The following TRPM3 variants were observed in gnomAD, a reference collection of about 807,000 sequenced individuals.
TRPM3 encodes the protein long transient receptor potential channel 3.
Under a neutral mutation model 181.2 loss-of-function variants are expected in TRPM3, and 77 were observed. The observed-to-expected ratio is 0.42, with a 90% CI of 0.35 to 0.51. The LOEUF is 0.51. Among genes scored for constraint, TRPM3 ranks in the 20% least tolerant of loss-of-function variants. TRPM3 has a pLI of 0.01. For synonymous variants in TRPM3, 745 were observed against 796.4 expected (o/e 0.94, Z 1.09); for missense variants, 1,759 against 2,196.7 (o/e 0.80, Z 3.98).
At chr9:70,952,643 A>T (rs541005640) in intron 1 of TRPM3, among the ~76,000 whole-genome samples, 1 of 152,284 alleles carries the variant, frequency 6.6e-6, no homozygotes, top group African/African-American at 2.4e-5. Flanking sequence ...TAAGGGATTG[A>T]AGGAAAGAGC....
intron 6 of TRPM3, among the ~76,000 whole-genome samples, chr9:70,806,669 G>T (rs2090760092): frequency 6.7e-6 from 1 of 148,982 alleles, no homozygotes; most frequent in African/African-American, 2.6e-5. Flanking sequence ...CAGCCTGGGT[G>T]ACAGAGCTAG....
chr9:71,218,807 C>T (rs1022927358), intron 1 of TRPM3, among the ~76,000 whole-genome samples: 8 of 152,140 alleles, frequency 5.3e-5, no homozygotes, highest in Non-Finnish European at 7.4e-5. Flanking sequence ...AATTTTACTT[C>T]GGGCCTTTGT....
chr9:71,200,517 C>T (rs376467615), intron 1 of TRPM3, among the ~76,000 whole-genome samples: 2,667 of 151,768 alleles, frequency 0.018, 43 homozygotes, highest in South Asian at 0.037. Context: ...TAAGTCTCTT[C>T]GTAGGTCACT....
chr9:71,237,044 CAA>C (rs33929941), intron 1 of TRPM3, among the ~76,000 whole-genome samples: 15 of 92,782 alleles, frequency 1.6e-4, no homozygotes, highest in South Asian at 4.6e-4. Flanking sequence ...AAGACTCCAT[CAA>C]AAAAAAAAAA....
At chr9:71,384,120 T>C (rs571965425) in intron 1 of TRPM3, among the ~76,000 whole-genome samples, 1 of 152,374 alleles carries the variant, frequency 6.6e-6, no homozygotes, top group South Asian at 2.1e-4. Context: ...TGGTGGCTAA[T>C]TGATGTTCAT....
At chr9:70,888,811 T>C (rs1808382140) in intron 1 of TRPM3, among the ~76,000 whole-genome samples, 1 of 152,096 alleles carries the variant, frequency 6.6e-6, no homozygotes, top group South Asian at 2.1e-4. Context: ...GTTTTTAGAA[T>C]GGGAAGGAGG....
chr9:71,308,261 C>T lies in TRPM3; in HGVS notation c.183+138392G>A, dbSNP rs2087567740. 2.0e-5 allele frequency among the ~76,000 whole-genome samples: 3 copies of T among 152,024 alleles called. No homozygotes were observed. In the South Asian group the frequency reaches 6.2e-4, roughly 32 times the overall value. ...TATATTCAATACAAAAGTATTTGATCATTGAGAAATATTTGTTTCTTTAAA... is the reference window on the plus strand; with the variant it reads ...TATATTCAATACAAAAGTATTTGATTATTGAGAAATATTTGTTTCTTTAAA... On this transcript the variant is annotated intron_variant, in intron 1 of 24. Transcript: ENST00000357533.
rs1346224634 is a variant in TRPM3 at position 70,810,254 on chromosome 9, C to T, written c.973+17593G>A. On this transcript the variant is annotated intron_variant, in intron 6 of 25. Coordinates refer to ENST00000677713, the MANE Select transcript of TRPM3 (RefSeq NM_001366145.2). ...GATCAGGAGGTCCTCTGCTTGCCTC[C>T]ACCCTCACCCTCCTCTCCATCACCC... Among the ~76,000 whole-genome samples the T allele has an allele frequency of 5.4e-5, 8 of 147,618 alleles. No homozygotes were observed. In the South Asian group the frequency reaches 1.3e-3, roughly 25 times the overall value.
At chr9:70,916,707 A>T (rs879475539) in intron 1 of TRPM3, among the ~76,000 whole-genome samples, 2 of 152,236 alleles carry the variant, frequency 1.3e-5, no homozygotes, top group Non-Finnish European at 2.9e-5. Context: ...TAGTGCTTAG[A>T]CTTTCTAAAG....
chr9:70,761,752 G>A, intron 7 of TRPM3, 28 bp from the exon 8 acceptor site: 1 of 1,595,698 alleles, frequency 6.3e-7, no homozygotes, highest in Non-Finnish European at 8.6e-7. Flanking sequence ...GTCAAAAGCA[G>A]GTCAACCAAC....
At chr9:71,079,237 A>T (rs1377660805) in intron 1 of TRPM3, among the ~76,000 whole-genome samples, 3 of 152,214 alleles carry the variant, frequency 2.0e-5, no homozygotes, top group Non-Finnish European at 4.4e-5. Context: ...AATGCACAAG[A>T]TGAGAAAACA....
chr9:71,182,998 T>C (rs1440718009), intron 1 of TRPM3, among the ~76,000 whole-genome samples: 1 of 152,106 alleles, frequency 6.6e-6, no homozygotes, highest in African/African-American at 2.4e-5. Flanking sequence ...GGAATAAAAT[T>C]ATTTAACTCA....
intron 1 of TRPM3, among the ~76,000 whole-genome samples, chr9:71,192,102 A>T (rs902541412): frequency 1.3e-5 from 2 of 151,870 alleles, no homozygotes; most frequent in Non-Finnish European, 2.9e-5. Flanking sequence ...TCTTTACGTA[A>T]ATATATTATA....
chr9:70,647,020 T>G (rs1463859406), intron 9 of TRPM3, among the ~76,000 whole-genome samples: 5 of 151,962 alleles, frequency 3.3e-5, no homozygotes, highest in African/African-American at 1.2e-4. Flanking sequence ...AACAGAGCAA[T>G]AGCAAGTTCT....
intron 1 of TRPM3, among the ~76,000 whole-genome samples, chr9:70,879,411 C>T (rs2095939365): frequency 1.3e-5 from 2 of 152,194 alleles, no homozygotes; most frequent in Non-Finnish European, 1.5e-5. Context: ...ATACTTTCTA[C>T]ATTTTAAGAT....
chr9:70,536,557 G>A lies in TRPM3; in HGVS notation c.4556C>T (p.Thr1519Ile), dbSNP rs2041806725. Residue 1519 changes from threonine to isoleucine, a missense_variant, in exon 26 of 26, where the codon ACC becomes ATC. This residue lies in a region of TRPM3 where 612 missense variants were observed against 590.0 expected (regional missense o/e 1.04). Coordinates refer to ENST00000677713, the MANE Select transcript of TRPM3 (RefSeq NM_001366145.2). ...ERSKSSRYLA[T>I]TPFLLEEAPI... The stretch of plus-strand genomic sequence containing the variant: ...AGCCTCTTCTAGAAGAAAGGGTGTG[G>A]TGGCTAGGTAGCGGCTACTTTTGGA... The A allele has an allele frequency of 1.2e-6, 2 of 1,614,012 alleles. No homozygotes were observed. Among genetic ancestry groups the A allele is most frequent in the Admixed American group, 1.7e-5 (1 of 60,004 alleles).
At chr9:70,794,050 C>T (rs1420741417) in intron 6 of TRPM3, among the ~76,000 whole-genome samples, 1 of 152,064 alleles carries the variant, frequency 6.6e-6, no homozygotes, top group Non-Finnish European at 1.5e-5. Flanking sequence ...AGCGTCTGTA[C>T]TTGGACTTGA....
chr9:71,437,850 A>G (rs1029777036), intron 1 of TRPM3, among the ~76,000 whole-genome samples: 10 of 146,210 alleles, frequency 6.8e-5, no homozygotes, highest in African/African-American at 2.5e-4. Context: ...CCCGGGCAAA[A>G]GAGCGAAACT....
intron 8 of TRPM3, 44 bp downstream of exon 8, chr9:70,761,557 C>T (rs1233871931): frequency 6.2e-7 from 1 of 1,613,594 alleles, no homozygotes; most frequent in Non-Finnish European, 8.5e-7. Flanking sequence ...AAGAAAATGA[C>T]TGAAAATGTG....
Sources: allele counts gnomAD v4.1 joint callset (sites outside exome capture counted in the v4.1 genomes callset), GRCh38; gene constraint gnomAD v4.1.1; regional missense constraint gnomAD v4.1.1; transcripts MANE v1.5; gene names NCBI Gene and HGNC (gene_info 2026-07-23, HGNC 2026-07-21).